Variants in DOP1A observed in about 807,000 individuals in gnomAD.
DOP1A encodes protein DOP1A.
Under a neutral mutation model 267.6 loss-of-function variants are expected in DOP1A, and 90 were observed. The observed-to-expected ratio is 0.34, with a 90% confidence interval of 0.28 to 0.40. The LOEUF (loss-of-function observed/expected upper bound fraction) is 0.40, where lower values mean the gene tolerates loss of function less well. DOP1A is among the 10% of genes least tolerant of loss of function. The pLI, the probability that DOP1A is intolerant of heterozygous loss-of-function variation, is 1.00. For missense variants in DOP1A, 2,437 were observed against 2,900.4 expected, an observed-to-expected ratio of 0.84 and a Z score of 3.67; for synonymous variants, 932 against 999.1, an observed-to-expected ratio of 0.93 and a Z score of 1.27.
chr6:83,149,009 G>A, intron 27 of DOP1A, 146 bp downstream of exon 27: 1 of 480,252 alleles, frequency 2.1e-6, no homozygotes. Context: ...GATGTATAAG[G>A]CCTGTTTAAG....
intron 10 of DOP1A, among the ~76,000 whole-genome samples, chr6:83,121,539 A>G (rs1298352931): frequency 7.9e-5 from 12 of 151,732 alleles, no homozygotes; most frequent in Admixed American, 7.9e-4. Context: ...AATACTTATT[A>G]TATTCTAGAA....
chr6:83,095,635 G>A (rs778675834), intron 1 of DOP1A, among the ~76,000 whole-genome samples: 2 of 152,100 alleles, frequency 1.3e-5, no homozygotes, highest in South Asian at 2.1e-4. Flanking sequence ...CCTAGATTAC[G>A]TATTGCTGTG....
intron 6 of DOP1A, 61 bp downstream of exon 6, chr6:83,110,375 C>T (rs956270247): frequency 7.9e-6 from 12 of 1,518,712 alleles, no homozygotes; most frequent in Non-Finnish European, 1.1e-5. Flanking sequence ...GGCACTATTC[C>T]AGACATATAT....
intron 38 of DOP1A, among the ~76,000 whole-genome samples, chr6:83,163,790 C>T (rs1583205675): frequency 6.6e-6 from 1 of 152,006 alleles, no homozygotes; most frequent in Non-Finnish European, 1.5e-5. Flanking sequence ...GGCTTTATGA[C>T]TCTTTAATAT....
intron 3 of DOP1A, among the ~76,000 whole-genome samples, chr6:83,099,244 C>T (rs1386393783): frequency 6.6e-6 from 1 of 152,168 alleles, no homozygotes; most frequent in African/African-American, 2.4e-5. Context: ...GACAGATAAT[C>T]ACTTTGATAC....
At chr6:83,085,784 TTA>T (rs1769077312) in intron 1 of DOP1A, among the ~76,000 whole-genome samples, 1 of 51,432 alleles carries the variant, frequency 1.9e-5, no homozygotes, top group Non-Finnish European at 3.7e-5. Context: ...GTATTTTATG[TTA>T]TGTTATGTTA....
intron 38 of DOP1A, chr6:83,164,680 G>GACAGTGAT (rs1562392401): frequency 1.9e-6 from 3 of 1,586,554 alleles, no homozygotes; most frequent in Admixed American, 3.6e-5. Context: ...AGGACTTTAA[G>GACAGTGAT]ACAGTGATTT....
chr6:83,079,865 T>C (rs1482899328), intron 1 of DOP1A, among the ~76,000 whole-genome samples: 1 of 151,946 alleles, frequency 6.6e-6, no homozygotes, highest in African/African-American at 2.4e-5. Flanking sequence ...TGGAAAGAAA[T>C]ACATGGTGGG....
intron 38 of DOP1A, 154 bp from the exon 39 acceptor site, chr6:83,167,708 A>C (rs895394347): frequency 7.1e-7 from 1 of 1,399,008 alleles, no homozygotes; most frequent in African/African-American, 1.4e-5. Flanking sequence ...AAGGTCTCAG[A>C]AGCACCAAGG....
rs776353230 is a variant in DOP1A, at chr6:83,153,994, C to A, written c.6340C>A (p.Leu2114Ile). The change falls in exon 32 of 39, where the codon CTC becomes ATC. Residue 2114 changes from leucine to isoleucine, a missense_variant. Physicochemically the swap from Leu to Ile is conservative, Grantham distance 5. This residue lies in a region of DOP1A where 216 missense variants were observed against 283.3 expected (regional missense o/e 0.76). Coordinates refer to ENST00000349129, the MANE Select transcript of DOP1A (RefSeq NM_015018.4). ...RRAWKKEAFD[L>I]FMDPSFFQMD... ...AGCTTGGAAAAAAGAAGCTTTTGACCTCTTTATGGATCCCAGTTTCTTTCA... is the reference window on the plus strand; with the variant it reads ...AGCTTGGAAAAAAGAAGCTTTTGACATCTTTATGGATCCCAGTTTCTTTCA... 6.2e-7 allele frequency: 1 copy of A among 1,614,058 alleles called. No individual in the cohort carries two copies. Among genetic ancestry groups the A allele is most frequent in the East Asian group, 2.2e-5 (1 of 44,860 alleles).
chr6:83,113,580 GA>G lies in DOP1A; in HGVS notation c.780+167del, dbSNP rs202048842. Among the ~76,000 whole-genome samples the G allele has an allele frequency of 3.4e-3, 514 of 151,820 alleles. 5 individuals are homozygous for G. Among genetic ancestry groups the G allele is most frequent in the African/African-American group, 0.011 (470 of 41,390 alleles). On this transcript the variant is annotated intron_variant, in intron 7 of 38. Coordinates refer to ENST00000349129, the MANE Select transcript of DOP1A (RefSeq NM_015018.4). ...CTTCTTAAGGAGTGGAATTTGTTGT[GA>G]AAAAAAACTAAAGATAAAAGCTTCA...
intron 3 of DOP1A, among the ~76,000 whole-genome samples, chr6:83,100,365 G>A (rs1042153346): frequency 6.6e-6 from 1 of 151,990 alleles, no homozygotes; most frequent in African/African-American, 2.4e-5. Context: ...CATGTTACAT[G>A]TTCATGTAAC....
intron 20 of DOP1A, among the ~76,000 whole-genome samples, 186 bp downstream of exon 20, chr6:83,136,064 T>A (rs761460452): frequency 2.4e-4 from 36 of 152,174 alleles, no homozygotes; most frequent in Non-Finnish European, 3.8e-4. Flanking sequence ...ATGACCATCT[T>A]AGAGGATGTG....
intron 34 of DOP1A, among the ~76,000 whole-genome samples, chr6:83,156,878 C>A (rs549736127): frequency 6.6e-6 from 1 of 151,092 alleles, no homozygotes; most frequent in East Asian, 2.1e-4. Flanking sequence ...AAAGTATGGT[C>A]CATGGACCAG....
At chr6:83,164,708 G>T in intron 38 of DOP1A, 1 of 1,591,082 alleles carries the variant, frequency 6.3e-7, no homozygotes, top group South Asian at 1.1e-5. Flanking sequence ...ATTGGAGATG[G>T]CCAAGCATCA....
chr6:83,121,313 T>C (rs868066144), intron 10 of DOP1A, among the ~76,000 whole-genome samples: 1 of 151,786 alleles, frequency 6.6e-6, no homozygotes, highest in African/African-American at 2.4e-5. Flanking sequence ...ACAGATGTTT[T>C]AGCAGGTGTC....
chr6:83,164,725 G>T, intron 38 of DOP1A: 1 of 1,586,404 alleles, frequency 6.3e-7, no homozygotes, highest in Non-Finnish European at 8.6e-7. Context: ...ATCAGGTGAG[G>T]GTGGCTGTTT....
At chr6:83,080,079 G>A (rs4470825) in intron 1 of DOP1A, among the ~76,000 whole-genome samples, 56,022 of 151,328 alleles carry the variant, frequency 0.37, 12,000 homozygotes, top group South Asian at 0.62. Context: ...TTCTTTAAGT[G>A]TACTATTCTG....
intron 38 of DOP1A, among the ~76,000 whole-genome samples, chr6:83,163,849 T>C (rs1215097788): frequency 6.6e-6 from 1 of 152,046 alleles, no homozygotes; most frequent in Non-Finnish European, 1.5e-5. Flanking sequence ...GGGAATTTAC[T>C]TAAAACATAT....
Sources: gnomAD v4.1 joint callset for allele counts (sites outside exome capture counted in the v4.1 genomes callset) on GRCh38, gnomAD v4.1.1 for gene constraint, gnomAD v4.1.1 regional missense constraint, MANE v1.5 for transcripts, NCBI Gene and HGNC (gene_info 2026-07-23, HGNC 2026-07-21) for gene names.